The following PDE8B variants were observed in gnomAD, a reference collection of about 807,000 sequenced individuals.
PDE8B encodes phosphodiesterase 8B, also known as high affinity cAMP-specific and IBMX-insensitive 3',5'-cyclic phosphodiesterase 8B.
Under a neutral mutation model 101.3 loss-of-function variants are expected in PDE8B, and 26 were observed. The ratio of observed to expected loss-of-function variants is 0.26; its 90% CI spans 0.19 to 0.36. The LOEUF is 0.36. Ranked by LOEUF, PDE8B falls within the 10% of genes least tolerant of loss-of-function variation. The pLI is 1.00. For missense variants in PDE8B, 810 were observed against 1,163.1 expected, an observed-to-expected ratio of 0.70 and a Z score of 4.42; for synonymous variants, 424 against 429.3, an observed-to-expected ratio of 0.99 and a Z score of 0.15.
At chr5:77,268,898 A>G (rs1047330496) in intron 1 of PDE8B, among the ~76,000 whole-genome samples, 2 of 150,890 alleles carry the variant, frequency 1.3e-5, no homozygotes, top group Non-Finnish European at 3.0e-5. Flanking sequence ...TCATTTCCAA[A>G]TCTTAGCTCT....
At chr5:77,377,864 T>TTTCAGAC (rs962508120) in intron 10 of PDE8B, among the ~76,000 whole-genome samples, 1 of 152,194 alleles carries the variant, frequency 6.6e-6, no homozygotes, top group African/African-American at 2.4e-5. Context: ...GCTCTCAGGC[T>TTTCAGAC]TTCAGACTTC....
intron 1 of PDE8B, among the ~76,000 whole-genome samples, chr5:77,298,282 C>G (rs1769066613): frequency 6.6e-6 from 1 of 152,198 alleles, no homozygotes; most frequent in Non-Finnish European, 1.5e-5. Flanking sequence ...CTTCATATAT[C>G]TTCCTCCTGT....
intron 20 of PDE8B, among the ~76,000 whole-genome samples, chr5:77,423,046 G>A (rs908715721): frequency 2.0e-5 from 3 of 152,262 alleles, no homozygotes; most frequent in East Asian, 1.9e-4. Flanking sequence ...AGTGTCTACT[G>A]TTCCAGTTTC....
the PDE8B span, among the ~76,000 whole-genome samples, chr5:77,194,064 T>TA: frequency 6.6e-6 from 1 of 152,236 alleles, no homozygotes; most frequent in South Asian, 2.1e-4. Flanking sequence ...TGTGTACAAT[T>TA]ATGTTGTCTG....
chr5:77,387,880 T>C (rs2150884289), intron 10 of PDE8B, among the ~76,000 whole-genome samples: 1 of 152,242 alleles, frequency 6.6e-6, no homozygotes, highest in African/African-American at 2.4e-5. Flanking sequence ...TATTGATACT[T>C]GTGTATGCTT....
chr5:77,329,142 T>A, intron 4 of PDE8B, 85 bp downstream of exon 4: 1 of 1,040,566 alleles, frequency 9.6e-7, no homozygotes, highest in Non-Finnish European at 1.5e-6. Flanking sequence ...TTGAGCTATC[T>A]AAGCAATGGG....
intron 1 of PDE8B, among the ~76,000 whole-genome samples, chr5:77,261,623 C>T (rs953398686): frequency 6.6e-6 from 1 of 152,240 alleles, no homozygotes; most frequent in Non-Finnish European, 1.5e-5. Context: ...GCCAGACACA[C>T]CTTGTGCCTC....
chr5:77,378,964 CATT>C (rs1191309003), intron 10 of PDE8B, among the ~76,000 whole-genome samples: 3 of 151,998 alleles, frequency 2.0e-5, no homozygotes, highest in Non-Finnish European at 2.9e-5. Context: ...ATTTGAAAGA[CATT>C]AGAGAGAAAC....
chr5:77,383,211 T>C (rs887535327), intron 10 of PDE8B, among the ~76,000 whole-genome samples: 2 of 152,268 alleles, frequency 1.3e-5, no homozygotes, highest in African/African-American at 2.4e-5. Context: ...TTCTTTCATA[T>C]GTTTGTTGGC....
intron 1 of PDE8B, among the ~76,000 whole-genome samples, chr5:77,296,884 C>T (rs1179256342): frequency 6.6e-6 from 1 of 152,182 alleles, no homozygotes; most frequent in Admixed American, 6.5e-5. Context: ...CCCTCTGATA[C>T]TGGTGTTCTC....
At chr5:77,194,478 A>G in the PDE8B span, among the ~76,000 whole-genome samples, 3 of 152,138 alleles carry the variant, frequency 2.0e-5, no homozygotes, top group Non-Finnish European at 4.4e-5. Flanking sequence ...TTTAAAGTGT[A>G]CAATTAAGTA....
chr5:77,199,349 C>G, the PDE8B span, among the ~76,000 whole-genome samples: 548 of 152,290 alleles, frequency 3.6e-3, 4 homozygotes, highest in Non-Finnish European at 6.5e-3. Context: ...TTCTCTCTCA[C>G]AAAAGTGTTA....
chr5:77,257,058 T>C (rs1183387576), intron 1 of PDE8B, among the ~76,000 whole-genome samples: 2 of 152,152 alleles, frequency 1.3e-5, no homozygotes, highest in African/African-American at 4.8e-5. Context: ...CACAAAAAAG[T>C]AGATATATCT....
At chr5:77,201,290 G>A in the PDE8B span, among the ~76,000 whole-genome samples, 4 of 152,164 alleles carry the variant, frequency 2.6e-5, no homozygotes, top group Admixed American at 6.5e-5. Flanking sequence ...GCGATGGTGC[G>A]TTTGTCAGTA....
At chr5:77,190,082 C>T in the PDE8B span, among the ~76,000 whole-genome samples, 2 of 152,194 alleles carry the variant, frequency 1.3e-5, no homozygotes, top group Non-Finnish European at 2.9e-5. Flanking sequence ...GCCCATTGGT[C>T]GGGCTTGCCA....
intron 10 of PDE8B, among the ~76,000 whole-genome samples, chr5:77,386,832 G>A (rs1444010494): frequency 6.8e-6 from 1 of 146,660 alleles, no homozygotes; most frequent in Non-Finnish European, 1.5e-5. Flanking sequence ...TATGATGCTA[G>A]CTGGTTATTT....
chr5:77,283,308 C>A (rs997453467), intron 1 of PDE8B, among the ~76,000 whole-genome samples: 1 of 152,160 alleles, frequency 6.6e-6, no homozygotes, highest in African/African-American at 2.4e-5. Flanking sequence ...CAGAGTGGTA[C>A]ATTTGTTACA....
At position 77,337,247 on chromosome 5, in the gene PDE8B, C is replaced by T; in HGVS notation, c.729C>T (p.Ser243=). ...GFNRRFMENS[S]IIACYNELIQ... ...TTCAGAGATTTATGGAGAATAGCAG[C>T]ATAATTGCTTGCTATAATGAACTGA... Residue 243 remains serine, a synonymous_variant, in exon 6 of 22, where the codon AGC becomes AGT. Coordinates refer to ENST00000264917, the MANE Select transcript of PDE8B (RefSeq NM_003719.5). 1.3e-6 allele frequency: 2 copies of T among 1,582,510 alleles called. No individual in the cohort carries two copies. Among genetic ancestry groups the T allele is most frequent in the South Asian group, 1.1e-5 (1 of 89,474 alleles).
At chr5:77,259,357 C>G (rs1759997857) in intron 1 of PDE8B, among the ~76,000 whole-genome samples, 1 of 152,158 alleles carries the variant, frequency 6.6e-6, no homozygotes, top group Admixed American at 6.5e-5. Context: ...GTAAGCTTCT[C>G]TCGCTATCTT....
Sources: allele counts gnomAD v4.1 joint callset (sites outside exome capture counted in the v4.1 genomes callset), GRCh38; gene constraint gnomAD v4.1.1; transcripts MANE v1.5; gene names NCBI Gene and HGNC (gene_info 2026-07-23, HGNC 2026-07-21).